The following PDZRN4 variants were observed in gnomAD, a reference collection of about 807,000 sequenced individuals.
PDZRN4 encodes PDZ domain containing ring finger 4, also known as PDZ domain-containing RING finger protein 4.
Under a neutral mutation model 99.0 loss-of-function variants are expected in PDZRN4, and 70 were observed. The ratio of observed to expected loss-of-function variants is 0.71; its 90% CI spans 0.58 to 0.86. The LOEUF (loss-of-function observed/expected upper bound fraction) is 0.86, where lower values mean the gene tolerates loss of function less well. Among genes scored for constraint, PDZRN4 ranks in the 40% least tolerant of loss-of-function variants. PDZRN4 has a pLI of 0.00. For missense variants in PDZRN4, 1,474 were observed against 1,331.2 expected (o/e 1.11, Z -1.67); for synonymous variants, 551 against 501.6 (o/e 1.10, Z -1.32).
Position 41,320,135 on chromosome 12 carries a change from G to A in PDZRN4, c.843+125947G>A, listed in dbSNP as rs149450002. On this transcript the variant is annotated intron_variant, in intron 3 of 9. Transcript: ENST00000402685. ...TGCACAGCCCCACCTAGGGGCTGAG[G>A]TAGCGAGAACATCGTTTCAGCACTA... Among the ~76,000 whole-genome samples, 307 of 152,330 alleles carry A rather than the reference G, an allele frequency of 2.0e-3. 2 individuals carry two copies. Among genetic ancestry groups the A allele is most frequent in the African/African-American group, 7.1e-3 (294 of 41,574 alleles).
intron 3 of PDZRN4, among the ~76,000 whole-genome samples, chr12:41,387,258 A>G (rs1271329470): frequency 6.6e-6 from 1 of 152,158 alleles, no homozygotes; most frequent in Non-Finnish European, 1.5e-5. Flanking sequence ...AGGAACTTAA[A>G]CAAATTTACA....
intron 3 of PDZRN4, among the ~76,000 whole-genome samples, chr12:41,339,603 T>C (rs1951801227): frequency 6.8e-6 from 1 of 146,290 alleles, no homozygotes; most frequent in Non-Finnish European, 1.5e-5. Flanking sequence ...TTAAAAAGCT[T>C]TTATACAGCA....
Position 41,417,535 on chromosome 12 carries a change from C to T in PDZRN4, c.844-88921C>T, listed in dbSNP as rs117398335. 5.6e-4 allele frequency among the ~76,000 whole-genome samples: 85 copies of T among 152,256 alleles called. 1 individual carries two copies. Among genetic ancestry groups the T allele is most frequent in the East Asian group, 2.9e-3 (15 of 5,194 alleles). ...GTTGTGTACCAGGCAGTATTCAAGA[C>T]GCCAGGAACACAAAGATGATGCTTG... On this transcript the variant is annotated intron_variant, in intron 3 of 9. Coordinates refer to ENST00000402685, the MANE Select transcript of PDZRN4 (RefSeq NM_001164595.2).
At chr12:41,223,409 C>G (rs897837141) in intron 3 of PDZRN4, among the ~76,000 whole-genome samples, 5 of 151,992 alleles carry the variant, frequency 3.3e-5, no homozygotes, top group Non-Finnish European at 5.9e-5. Flanking sequence ...CTCCCCCTAC[C>G]CAGCCCATCT....
chr12:41,539,765 A>G (rs754194774), intron 5 of PDZRN4, among the ~76,000 whole-genome samples: 1 of 152,198 alleles, frequency 6.6e-6, no homozygotes, highest in Non-Finnish European at 1.5e-5. Context: ...TGCTTTTCAA[A>G]TAAAGAGAAG....
chr12:41,455,110 A>G (rs571506663), intron 3 of PDZRN4, among the ~76,000 whole-genome samples: 2 of 152,224 alleles, frequency 1.3e-5, no homozygotes, highest in African/African-American at 2.4e-5. Flanking sequence ...TGAAGTCTAC[A>G]GTTCAATTTA....
At chr12:41,217,080 T>A (rs1950926033) in intron 3 of PDZRN4, among the ~76,000 whole-genome samples, 1 of 152,058 alleles carries the variant, frequency 6.6e-6, no homozygotes, top group African/African-American at 2.4e-5. Context: ...GTTTGCCTGG[T>A]CAAAACTGAT....
chr12:41,454,426 A>AT (rs139732984), intron 3 of PDZRN4, among the ~76,000 whole-genome samples: 1 of 152,168 alleles, frequency 6.6e-6, no homozygotes, highest in South Asian at 2.1e-4. Flanking sequence ...TAAAAGATGT[A>AT]TTTTTTTCTT....
chr12:41,363,066 G>T (rs921892987), intron 3 of PDZRN4, among the ~76,000 whole-genome samples: 1 of 152,060 alleles, frequency 6.6e-6, no homozygotes, highest in Non-Finnish European at 1.5e-5. Context: ...CAGTTTGAGA[G>T]CATGAAGTAT....
intron 3 of PDZRN4, among the ~76,000 whole-genome samples, chr12:41,337,355 C>T (rs1238412911): frequency 6.6e-6 from 1 of 152,026 alleles, no homozygotes; most frequent in Non-Finnish European, 1.5e-5. Flanking sequence ...TCACGTCTTT[C>T]CAGTTTCTCA....
chr12:41,424,947 A>G (rs1237820233), intron 3 of PDZRN4, among the ~76,000 whole-genome samples: 1 of 152,182 alleles, frequency 6.6e-6, no homozygotes, highest in Non-Finnish European at 1.5e-5. Context: ...AGATACAAAG[A>G]CATTGGCAAA....
At chr12:41,384,959 A>T (rs1216356489) in intron 3 of PDZRN4, among the ~76,000 whole-genome samples, 1 of 152,156 alleles carries the variant, frequency 6.6e-6, no homozygotes, top group Admixed American at 6.6e-5. Flanking sequence ...GATAAGATAC[A>T]CCTGATTGCA....
chr12:41,273,645 A>C (rs1006503169), intron 3 of PDZRN4, among the ~76,000 whole-genome samples: 2 of 152,102 alleles, frequency 1.3e-5, no homozygotes, highest in African/African-American at 4.8e-5. Flanking sequence ...GTTTCATTAA[A>C]GAAAAAGTAT....
At chr12:41,303,857 C>T (rs1290682622) in intron 3 of PDZRN4, among the ~76,000 whole-genome samples, 4 of 152,286 alleles carry the variant, frequency 2.6e-5, no homozygotes, top group East Asian at 3.9e-4. Flanking sequence ...CTCTGTGTGA[C>T]TGCAGAACTG....
At chr12:41,557,011 C>T (rs1266948432) in intron 7 of PDZRN4, among the ~76,000 whole-genome samples, 1 of 151,946 alleles carries the variant, frequency 6.6e-6, no homozygotes, top group East Asian at 1.9e-4. Flanking sequence ...ACTAGCCAGG[C>T]ATGGTGGCAG....
intron 3 of PDZRN4, among the ~76,000 whole-genome samples, chr12:41,395,811 T>C (rs1952242101): frequency 6.6e-6 from 1 of 152,180 alleles, no homozygotes; most frequent in Non-Finnish European, 1.5e-5. Flanking sequence ...GCCTTTTGTT[T>C]AGCTGAATAG....
intron 3 of PDZRN4, among the ~76,000 whole-genome samples, chr12:41,399,530 T>C (rs777443271): frequency 1.6e-4 from 25 of 151,972 alleles, no homozygotes; most frequent in Non-Finnish European, 7.4e-5. Flanking sequence ...AGGTCTGGAG[T>C]TCGAGACCAG....
intron 3 of PDZRN4, among the ~76,000 whole-genome samples, chr12:41,322,109 G>T (rs1951682098): frequency 6.6e-6 from 1 of 152,042 alleles, no homozygotes; most frequent in Non-Finnish European, 1.5e-5. Flanking sequence ...TTGGCTTACT[G>T]CAACCTCTGC....
At chr12:41,503,943 A>G (rs1938156673) in intron 3 of PDZRN4, among the ~76,000 whole-genome samples, 2 of 152,182 alleles carry the variant, frequency 1.3e-5, no homozygotes, top group South Asian at 4.1e-4. Flanking sequence ...ATAAGAAAAG[A>G]TAACATGTTG....
Sources: gnomAD v4.1 joint callset for allele counts (sites outside exome capture counted in the v4.1 genomes callset) on GRCh38, gnomAD v4.1.1 for gene constraint, MANE v1.5 for transcripts, NCBI Gene and HGNC (gene_info 2026-07-23, HGNC 2026-07-21) for gene names.